SENP5: variants seen among roughly 807,000 people sequenced by gnomAD.
The protein encoded by SENP5 is SUMO specific peptidase 5, also known as sentrin-specific protease 5.
Under a neutral mutation model 74.2 loss-of-function variants are expected in SENP5, and 21 were observed. The observed-to-expected ratio is 0.28, with a 90% confidence interval of 0.20 to 0.41. The LOEUF (loss-of-function observed/expected upper bound fraction) is 0.41, where lower values mean the gene tolerates loss of function less well. SENP5 is among the 10% of genes least tolerant of loss of function. SENP5 has a pLI of 1.00. For missense variants in SENP5, 717 were observed against 889.1 expected, an observed-to-expected ratio of 0.81 and a Z score of 2.46; for synonymous variants, 311 against 312.7, an observed-to-expected ratio of 0.99 and a Z score of 0.06.
rs1198006045 is a variant in SENP5 at position 196,933,647 on chromosome 3, CTGG to C, written c.*2725_*2727del. ...ACGGAGTCTTGCTCTGTTGCCCAGG[CTGG>C]AGTGCAGTGATGTGATCTCGGCTCA... On this transcript the variant is annotated 3_prime_UTR_variant, in exon 10 of 10. Coordinates refer to ENST00000323460, the MANE Select transcript of SENP5 (RefSeq NM_152699.5). 3 of 151,918 alleles carry C rather than the reference CTGG, an allele frequency of 2.0e-5. No individual in the cohort carries two copies. Among genetic ancestry groups the C allele is most frequent in the African/African-American group, 7.3e-5 (3 of 41,256 alleles). The allele number at this position is 151,918 out of a possible 1,614,324, so 9.4% of individuals were successfully genotyped here.
intron 6 of SENP5, chr3:196,913,884 A>C (rs2108851735): frequency 6.6e-6 from 1 of 152,262 alleles, no homozygotes; most frequent in South Asian, 2.1e-4. Context: ...CCTGGCCTCA[A>C]GTGATCTGCC....
At chr3:196,895,649 G>A (rs1714413115) in intron 2 of SENP5, among the ~76,000 whole-genome samples, 1 of 152,046 alleles carries the variant, frequency 6.6e-6, no homozygotes, top group African/African-American at 2.4e-5. Context: ...ACCCTCCCGA[G>A]TAGCTGGGAC....
intron 1 of SENP5, among the ~76,000 whole-genome samples, chr3:196,877,604 A>G (rs1042617545): frequency 2.6e-5 from 4 of 152,228 alleles, no homozygotes; most frequent in African/African-American, 9.6e-5. Context: ...CAACCAATAG[A>G]TACTCAGCTT....
chr3:196,928,915 C>T (rs1362493291), intron 8 of SENP5, among the ~76,000 whole-genome samples: 1 of 152,182 alleles, frequency 6.6e-6, no homozygotes, highest in Non-Finnish European at 1.5e-5. Flanking sequence ...GTTGGCCGGG[C>T]ACAGTGGCTC....
intron 1 of SENP5, among the ~76,000 whole-genome samples, chr3:196,869,239 C>T (rs1305293993): frequency 6.6e-6 from 1 of 151,918 alleles, no homozygotes; most frequent in East Asian, 2.0e-4. Flanking sequence ...CTCACTCTGA[C>T]ACCCAGCCTG....
rs1186269464 is a variant in SENP5 at position 196,934,244 on chromosome 3, A to G, written c.*3321A>G. The G allele has an allele frequency of 6.6e-6, 1 of 152,246 alleles. No homozygotes were observed. The highest frequency in any genetic ancestry group is 1.5e-5 in the Non-Finnish European group (1 of 68,054). 9.4% of individuals were successfully genotyped at this position (152,246 alleles called of 1,614,324 possible). A position where few individuals can be genotyped will look rare whatever the true frequency, so the allele number is the denominator to read the frequency against. On this transcript the variant is annotated 3_prime_UTR_variant, in exon 10 of 10. Coordinates refer to ENST00000323460, the MANE Select transcript of SENP5 (RefSeq NM_152699.5). ...ACAGTCATCCTGGATTTATAGTTGG[A>G]ACAGAACAGTAACAGACCTAACTGG...
intron 1 of SENP5, among the ~76,000 whole-genome samples, chr3:196,878,832 TC>T (rs961810212): frequency 2.0e-5 from 3 of 152,182 alleles, no homozygotes; most frequent in Admixed American, 2.0e-4. Flanking sequence ...CCTCAAATGA[TC>T]CGCTTGCCTC....
Position 196,885,283 on chromosome 3 carries a change from C to G in SENP5, c.102C>G (p.His34Gln). 1 of 1,614,068 alleles carries G rather than the reference C, an allele frequency of 6.2e-7. No individual in the cohort carries two copies. Among genetic ancestry groups the G allele is most frequent in the South Asian group, 1.1e-5 (1 of 91,086 alleles). The change falls in exon 2 of 10, where the codon CAC becomes CAG. Residue 34 changes from histidine to glutamine, a missense_variant. Coordinates refer to ENST00000323460, the MANE Select transcript of SENP5 (RefSeq NM_152699.5). ...GFGGFKKFYF[H>Q]QHLCILKAKL... ...GAGGCTTTAAGAAGTTTTATTTTCA[C>G]CAACACTTGTGCATTCTGAAAGCTA...
intron 6 of SENP5, among the ~76,000 whole-genome samples, chr3:196,917,056 C>T (rs1715409624): frequency 6.6e-6 from 1 of 151,952 alleles, no homozygotes; most frequent in Admixed American, 6.6e-5. Flanking sequence ...ATCGCTTGAA[C>T]CTGGGAGACA....
rs1164787128 is a variant in SENP5 at position 196,885,866 on chromosome 3, C to T, written c.685C>T (p.Pro229Ser). ...LNQHRRIKLSPLMMYEKLSMI... is the reference protein window; with the variant it reads ...LNQHRRIKLSSLMMYEKLSMI... ...CCAACATAGAAGGATAAAATTATCT[C>T]CTCTTATGATGTATGAGAAATTATC... The change falls in exon 2 of 10, where the codon CCT becomes TCT. Residue 229 changes from proline to serine, a missense_variant. Transcript: ENST00000323460. 1 of 1,613,972 alleles carries T rather than the reference C, an allele frequency of 6.2e-7. No homozygotes were observed. The highest frequency in any genetic ancestry group is 8.5e-7 in the Non-Finnish European group (1 of 1,179,996).
intron 6 of SENP5, among the ~76,000 whole-genome samples, chr3:196,909,971 C>A (rs1056694811): frequency 3.9e-5 from 6 of 152,138 alleles, no homozygotes; most frequent in South Asian, 4.1e-4. Flanking sequence ...TTGTCTCTTG[C>A]AGATGGCATG....
At chr3:196,913,617 A>T (rs1309946079) in intron 6 of SENP5, among the ~76,000 whole-genome samples, 1 of 146,114 alleles carries the variant, frequency 6.8e-6, no homozygotes, top group East Asian at 2.0e-4. Flanking sequence ...TCAGTAGAAG[A>T]CTCAGTGATG....
At chr3:196,893,472 T>C (rs1213557612) in intron 2 of SENP5, among the ~76,000 whole-genome samples, 1 of 152,126 alleles carries the variant, frequency 6.6e-6, no homozygotes, top group Admixed American at 6.5e-5. Context: ...AGAACTAGGA[T>C]AGATCAAGAG....
At chr3:196,897,388 T>C (rs1714487628) in intron 2 of SENP5, among the ~76,000 whole-genome samples, 1 of 152,184 alleles carries the variant, frequency 6.6e-6, no homozygotes, top group Non-Finnish European at 1.5e-5. Flanking sequence ...GATACCCTGA[T>C]GAAGTTGGAG....
At chr3:196,926,775 A>T (rs2108866440) in intron 7 of SENP5, among the ~76,000 whole-genome samples, 1 of 150,682 alleles carries the variant, frequency 6.6e-6, no homozygotes, top group South Asian at 2.1e-4. Flanking sequence ...AGTAGCTGGG[A>T]TTACAGGTGT....
At chr3:196,926,935 C>T (rs1439545567) in intron 7 of SENP5, among the ~76,000 whole-genome samples, 1 of 152,114 alleles carries the variant, frequency 6.6e-6, no homozygotes, top group Non-Finnish European at 1.5e-5. Context: ...TGAGCCACCG[C>T]GTCTGGCCCT....
intron 6 of SENP5, among the ~76,000 whole-genome samples, chr3:196,923,094 G>T (rs772837684): frequency 6.6e-6 from 1 of 152,178 alleles, no homozygotes; most frequent in Non-Finnish European, 1.5e-5. Flanking sequence ...TTCTAAACAA[G>T]AGTTGAATCC....
rs574143080 is a variant in SENP5, at chr3:196,892,746, C to T, written c.1513+6052C>T. On this transcript the variant is annotated intron_variant, in intron 2 of 9. Transcript: ENST00000323460. ...CCCACCCCCAGCCCCTGGTAACTAC[C>T]GTTGATTCTCTACGTCTATGAGTTT... 1.3e-4 allele frequency among the ~76,000 whole-genome samples: 20 copies of T among 152,200 alleles called. No homozygotes were observed. In the South Asian group the frequency reaches 1.9e-3, roughly 14 times the overall value.
intron 9 of SENP5, 32 bp downstream of exon 9, chr3:196,929,715 ATG>A: frequency 6.7e-7 from 1 of 1,487,280 alleles, no homozygotes; most frequent in Non-Finnish European, 9.4e-7. Context: ...GGAACTTACA[ATG>A]TGTGAATTGA....
Sources: gnomAD v4.1 joint callset for allele counts (sites outside exome capture counted in the v4.1 genomes callset) on GRCh38, gnomAD v4.1.1 for gene constraint, MANE v1.5 for transcripts, NCBI Gene and HGNC (gene_info 2026-07-23, HGNC 2026-07-21) for gene names.